The following EYS variants were observed in gnomAD, a reference collection of about 807,000 sequenced individuals.
The protein encoded by EYS is protein eyes shut homolog.
In EYS, 250 loss-of-function variants were observed where a neutral mutation model predicts 282.1. The ratio of observed to expected loss-of-function variants is 0.89; its 90% CI spans 0.80 to 0.98. The LOEUF is 0.98. Among genes scored for constraint, EYS ranks in the 50% least tolerant of loss-of-function variants. The probability of loss-of-function intolerance (pLI) is 0.00; values close to 1 mark genes in which losing one functional copy is unlikely to be tolerated. For missense variants in EYS, 4,016 were observed against 3,709.0 expected (o/e 1.08, Z -2.15); for synonymous variants, 1,355 against 1,282.9 (o/e 1.06, Z -1.20).
intron 18 of EYS, among the ~76,000 whole-genome samples, chr6:64,888,053 T>C (rs1456262762): frequency 6.6e-6 from 1 of 152,092 alleles, no homozygotes. Flanking sequence ...TTCTTTTTCA[T>C]GGCTGAAGAG....
chr6:63,840,211 C>CTTA lies in EYS; in HGVS notation c.7228+23972_7228+23974dup, dbSNP rs377459471. 8.8e-4 allele frequency among the ~76,000 whole-genome samples: 123 copies of CTTA among 140,464 alleles called. 1 individual carries two copies. Among genetic ancestry groups the CTTA allele is most frequent in the South Asian group, 1.9e-3 (8 of 4,282 alleles). The allele number at this position is 140,464 out of a possible 152,430, so 92.1% of individuals were successfully genotyped here. A position where few individuals can be genotyped will look rare whatever the true frequency, so the allele number is the denominator to read the frequency against. On this transcript the variant is annotated intron_variant, in intron 36 of 42. Transcript: ENST00000503581. ...TACAGTTGCCTGCCACCATGCCCATCTTATTATTATTATTATTATTATTAT... is the reference window on the plus strand; with the variant it reads ...TACAGTTGCCTGCCACCATGCCCATCTTATTATTATTATTATTATTATTATTAT...
chr6:65,497,743 A>G (rs752646664), intron 2 of EYS, among the ~76,000 whole-genome samples: 4 of 152,096 alleles, frequency 2.6e-5, no homozygotes, highest in Non-Finnish European at 5.9e-5. Context: ...GCAAAACAAC[A>G]TATGACAAAA....
chr6:64,766,221 C>A (rs1456244910), intron 22 of EYS, among the ~76,000 whole-genome samples: 2 of 151,874 alleles, frequency 1.3e-5, no homozygotes, highest in Non-Finnish European at 2.9e-5. Context: ...AGCCACTGCA[C>A]TGGCCCCTCC....
intron 2 of EYS, among the ~76,000 whole-genome samples, chr6:65,625,102 A>C (rs1766648359): frequency 6.6e-6 from 1 of 152,152 alleles, no homozygotes; most frequent in African/African-American, 2.4e-5. Context: ...TTATACAGGG[A>C]AAGTGGGCTG....
At chr6:64,625,124 C>A (rs1042109884) in intron 23 of EYS, among the ~76,000 whole-genome samples, 1 of 151,822 alleles carries the variant, frequency 6.6e-6, no homozygotes, top group Non-Finnish European at 1.5e-5. Flanking sequence ...ATTGAACATC[C>A]GTTTTGGGTT....
rs192432328 is a variant in EYS at position 65,155,579 on chromosome 6, C to A, written c.2024-97852G>T. 1.7e-3 allele frequency among the ~76,000 whole-genome samples: 257 copies of A among 151,602 alleles called. 2 individuals are homozygous for A. Among genetic ancestry groups the A allele is most frequent in the African/African-American group, 5.8e-3 (242 of 41,490 alleles). ...CATTTTATGACTAGCTTTCTAGTCA[C>A]TGTCTTGTGGGTTATTAACCCTATA... On this transcript the variant is annotated intron_variant, in intron 12 of 42. Coordinates refer to ENST00000503581, the MANE Select transcript of EYS (RefSeq NM_001142800.2).
intron 26 of EYS, among the ~76,000 whole-genome samples, chr6:64,550,145 A>G (rs1255808719): frequency 6.6e-6 from 1 of 152,320 alleles, no homozygotes; most frequent in South Asian, 2.1e-4. Context: ...ATTGTTAGAC[A>G]TTTGGGTTGG....
chr6:65,282,131 G>GA (rs200171361), intron 12 of EYS, among the ~76,000 whole-genome samples: 3 of 151,236 alleles, frequency 2.0e-5, no homozygotes, highest in Admixed American at 6.6e-5. Context: ...AGACAGGAGG[G>GA]AAAAAAATAT....
intron 26 of EYS, among the ~76,000 whole-genome samples, chr6:64,582,592 T>TG (rs1766108696): frequency 6.6e-6 from 1 of 151,652 alleles, no homozygotes; most frequent in Admixed American, 6.6e-5. Flanking sequence ...GTCTTTTTTT[T>TG]TTTTTTTGCT....
intron 12 of EYS, among the ~76,000 whole-genome samples, chr6:65,124,728 C>T (rs912763632): frequency 6.6e-6 from 1 of 152,138 alleles, no homozygotes; most frequent in African/African-American, 2.4e-5. Context: ...GAAACTAACA[C>T]TGACCTAGAA....
intron 29 of EYS, among the ~76,000 whole-genome samples, chr6:64,341,682 T>G (rs1171474394): frequency 6.6e-6 from 1 of 151,666 alleles, no homozygotes; most frequent in Non-Finnish European, 1.5e-5. Flanking sequence ...AGCTGAAATT[T>G]TTTAAAAAAT....
chr6:63,765,874 C>A (rs1165050760), intron 40 of EYS, among the ~76,000 whole-genome samples: 2 of 151,844 alleles, frequency 1.3e-5, no homozygotes, highest in Non-Finnish European at 2.9e-5. Context: ...TTTTTAGAAC[C>A]CACAAATAAG....
chr6:65,492,768 C>A (rs549216383), intron 4 of EYS, among the ~76,000 whole-genome samples: 17 of 152,224 alleles, frequency 1.1e-4, no homozygotes, highest in Non-Finnish European at 2.1e-4. Context: ...GTTATAGAGA[C>A]AATATATTCA....
intron 34 of EYS, among the ~76,000 whole-genome samples, chr6:63,998,066 AT>A (rs1562140890): frequency 6.6e-6 from 1 of 152,130 alleles, no homozygotes; most frequent in African/African-American, 2.4e-5. Flanking sequence ...CACTTGAACA[AT>A]TTTGAGTTGG....
chr6:65,198,232 T>G (rs2150244205), intron 12 of EYS, among the ~76,000 whole-genome samples: 1 of 152,198 alleles, frequency 6.6e-6, no homozygotes, highest in South Asian at 2.1e-4. Context: ...CTGGAAGGTG[T>G]GCAGGGGCAG....
chr6:64,196,526 A>G (rs1427673463), intron 31 of EYS, among the ~76,000 whole-genome samples: 1 of 152,164 alleles, frequency 6.6e-6, no homozygotes, highest in Non-Finnish European at 1.5e-5. Flanking sequence ...TGGATTAAGA[A>G]AATGTGGCAC....
intron 24 of EYS, among the ~76,000 whole-genome samples, chr6:64,612,054 C>T (rs1316486537): frequency 3.3e-5 from 5 of 152,048 alleles, no homozygotes; most frequent in Admixed American, 2.0e-4. Context: ...CATAGACATA[C>T]ATCAAAATGT....
At chr6:65,363,360 A>G (rs1231653200) in intron 8 of EYS, among the ~76,000 whole-genome samples, 5 of 152,042 alleles carry the variant, frequency 3.3e-5, no homozygotes, top group African/African-American at 1.2e-4. Context: ...ATAATATTAA[A>G]TAAACAATCA....
intron 31 of EYS, among the ~76,000 whole-genome samples, chr6:64,151,817 C>T (rs1382280715): frequency 6.6e-6 from 1 of 152,002 alleles, no homozygotes; most frequent in Non-Finnish European, 1.5e-5. Context: ...CTCAGTTTTA[C>T]CATCATATAT....
Sources: gnomAD v4.1 joint callset for allele counts (sites outside exome capture counted in the v4.1 genomes callset) on GRCh38, gnomAD v4.1.1 for gene constraint, MANE v1.5 for transcripts, NCBI Gene and HGNC (gene_info 2026-07-23, HGNC 2026-07-21) for gene names.